Variants in CDH2 observed in about 807,000 individuals in gnomAD.
The protein encoded by CDH2 is cadherin 2.
Under a neutral mutation model 92.0 loss-of-function variants are expected in CDH2, and 17 were observed. The observed-to-expected ratio is 0.18, with a 90% confidence interval of 0.13 to 0.28. The LOEUF (loss-of-function observed/expected upper bound fraction) is 0.28. Ranked by LOEUF, CDH2 falls within the 10% of genes least tolerant of loss-of-function variation. The probability of loss-of-function intolerance (pLI) is 1.00; values close to 1 mark genes in which losing one functional copy is unlikely to be tolerated. For synonymous variants in CDH2, 419 were observed against 415.9 expected, an observed-to-expected ratio of 1.01 and a Z score of -0.09; for missense variants, 862 against 1,133.1, an observed-to-expected ratio of 0.76 and a Z score of 3.44.
intron 2 of CDH2, among the ~76,000 whole-genome samples, chr18:28,128,225 C>T (rs909172868): frequency 5.3e-5 from 8 of 152,130 alleles, no homozygotes; most frequent in African/African-American, 1.9e-4. Flanking sequence ...CATCAGAATA[C>T]AGAATTATGT....
At chr18:27,997,875 C>T (rs1240599952) in intron 7 of CDH2, among the ~76,000 whole-genome samples, 3 of 151,964 alleles carry the variant, frequency 2.0e-5, no homozygotes, top group South Asian at 2.1e-4. Context: ...GGCACAATCT[C>T]GGCTCACTGC....
chr18:27,988,257 G>C (rs532837750), intron 11 of CDH2, among the ~76,000 whole-genome samples: 7 of 152,252 alleles, frequency 4.6e-5, no homozygotes, highest in Admixed American at 2.0e-4. Flanking sequence ...ACTGAGGATG[G>C]ACTTAAGGCA....
At chr18:28,040,098 T>C (rs2013919672) in intron 2 of CDH2, among the ~76,000 whole-genome samples, 2 of 152,264 alleles carry the variant, frequency 1.3e-5, no homozygotes, top group Non-Finnish European at 2.9e-5. Flanking sequence ...TTTGTTTAGT[T>C]AGAGGCAATG....
intron 2 of CDH2, among the ~76,000 whole-genome samples, chr18:28,058,153 A>G (rs1432257617): frequency 6.6e-6 from 1 of 152,220 alleles, no homozygotes; most frequent in Admixed American, 6.5e-5. Context: ...AAAGCAGTAC[A>G]TGCAGGAAAG....
At chr18:27,934,958 G>T (rs907481455) in intron 6 of CDH2, among the ~76,000 whole-genome samples, 4 of 152,136 alleles carry the variant, frequency 2.6e-5, no homozygotes, top group Non-Finnish European at 1.5e-5. Flanking sequence ...ATCTGAAACT[G>T]CCCCAACTTC....
chr18:28,076,688 C>G (rs1311464178), intron 2 of CDH2, among the ~76,000 whole-genome samples: 3 of 129,856 alleles, frequency 2.3e-5, no homozygotes, highest in African/African-American at 5.7e-5. Flanking sequence ...TTTCCCTCCC[C>G]CCTCCCCCCA....
chr18:28,044,515 AAATT>A (rs1208024883), intron 2 of CDH2, among the ~76,000 whole-genome samples: 1 of 152,154 alleles, frequency 6.6e-6, no homozygotes. Flanking sequence ...CAATAAGATA[AAATT>A]AAGACTATAA....
intron 11 of CDH2, among the ~76,000 whole-genome samples, chr18:27,986,712 T>C (rs1426192358): frequency 6.6e-6 from 1 of 152,168 alleles, no homozygotes; most frequent in Non-Finnish European, 1.5e-5. Flanking sequence ...TAAGGAGGAA[T>C]GTTTACCAAC....
chr18:28,026,019 T>C (rs1188176854), intron 2 of CDH2, among the ~76,000 whole-genome samples: 1 of 152,198 alleles, frequency 6.6e-6, no homozygotes. Flanking sequence ...TTCTAGTGGC[T>C]ATGAAGTCAC....
intron 2 of CDH2, among the ~76,000 whole-genome samples, chr18:28,104,337 A>G (rs961467843): frequency 6.6e-6 from 1 of 152,214 alleles, no homozygotes; most frequent in African/African-American, 2.4e-5. Context: ...GTTCTTTATC[A>G]TAAAATTTGA....
chr18:27,963,461 C>T lies in CDH2; in HGVS notation c.2410G>A (p.Val804Met), dbSNP rs1001078493. Residue 804 changes from valine to methionine, a missense_variant, in exon 15 of 16, where the codon GTG (valine) becomes ATG (methionine). Coordinates refer to ENST00000269141, the MANE Select transcript of CDH2 (RefSeq NM_001792.5). ...CTTTCATCCATTCGTCGGATTCCCA[C>T]AGGCTTGATGGCATCAGGCTCCACA... Reference protein sequence around the residue: ...DTVEPDAIKPVGIRRMDERPI... With the variant: ...DTVEPDAIKPMGIRRMDERPI... 1 of 1,614,072 alleles carries T rather than the reference C, an allele frequency of 6.2e-7. No individual in the cohort carries two copies. Among genetic ancestry groups the T allele is most frequent in the Non-Finnish European group, 8.5e-7 (1 of 1,179,994 alleles).
At chr18:28,032,252 TGAGCCACG>T (rs1171926124) in intron 2 of CDH2, among the ~76,000 whole-genome samples, 2 of 152,106 alleles carry the variant, frequency 1.3e-5, no homozygotes, top group African/African-American at 4.8e-5. Flanking sequence ...AGTCTGGTGT[TGAGCCACG>T]GTTCATTCAT....
chr18:28,097,507 G>A (rs891281331), intron 2 of CDH2, among the ~76,000 whole-genome samples: 2 of 151,942 alleles, frequency 1.3e-5, no homozygotes. Flanking sequence ...TTGACCCACA[G>A]TACCCATGGA....
chr18:28,175,995 C>A (rs936063555), intron 1 of CDH2, among the ~76,000 whole-genome samples: 1 of 152,190 alleles, frequency 6.6e-6, no homozygotes, highest in African/African-American at 2.4e-5. Context: ...AGCCTGGGGG[C>A]ATCCTCGGGT....
At chr18:28,050,548 C>CAGCT (rs1337031300) in intron 2 of CDH2, among the ~76,000 whole-genome samples, 2 of 151,956 alleles carry the variant, frequency 1.3e-5, no homozygotes, top group African/African-American at 4.9e-5. Flanking sequence ...TCAGATCCCA[C>CAGCT]AGCTAATGGG....
At chr18:27,999,057 A>G (rs2012679425) in intron 7 of CDH2, among the ~76,000 whole-genome samples, 1 of 152,228 alleles carries the variant, frequency 6.6e-6, no homozygotes, top group South Asian at 2.1e-4. Context: ...TGCAGAGACT[A>G]CTGTGGGTGA....
downstream of CDH2, among the ~76,000 whole-genome samples, chr18:27,949,538 T>C (rs1909357934): frequency 6.6e-6 from 1 of 151,986 alleles, no homozygotes; most frequent in East Asian, 1.9e-4. Flanking sequence ...GGTGTACATA[T>C]ATACTAATAT....
intron 7 of CDH2, among the ~76,000 whole-genome samples, chr18:28,002,750 A>G (rs529502703): frequency 1.5e-4 from 23 of 152,210 alleles, no homozygotes; most frequent in Non-Finnish European, 3.1e-4. Context: ...TAGATACCAG[A>G]GAATATTGCT....
intron 2 of CDH2, among the ~76,000 whole-genome samples, chr18:28,126,176 A>G (rs934826143): frequency 2.0e-5 from 3 of 152,180 alleles, no homozygotes; most frequent in Non-Finnish European, 4.4e-5. Flanking sequence ...TCATTATGAG[A>G]AAAATGAACT....
Sources: gnomAD v4.1 joint callset for allele counts (sites outside exome capture counted in the v4.1 genomes callset) on GRCh38, gnomAD v4.1.1 for gene constraint, MANE v1.5 for transcripts, NCBI Gene and HGNC (gene_info 2026-07-23, HGNC 2026-07-21) for gene names.